The following TBC1D14 variants were observed in gnomAD, a reference collection of about 807,000 sequenced individuals.
TBC1D14 encodes the protein TBC1 domain family member 14.
In TBC1D14, 26 loss-of-function variants were observed where a neutral mutation model predicts 79.0. That is an observed-to-expected ratio of 0.33 (90% CI 0.24 to 0.46). The LOEUF (loss-of-function observed/expected upper bound fraction) is 0.46, where lower values mean the gene tolerates loss of function less well. TBC1D14 is among the 20% of genes least tolerant of loss of function. The probability of loss-of-function intolerance (pLI) is 1.00; values close to 1 mark genes in which losing one functional copy is unlikely to be tolerated. For synonymous variants in TBC1D14, 394 were observed against 349.9 expected, an observed-to-expected ratio of 1.13 and a Z score of -1.40; for missense variants, 769 against 887.6, an observed-to-expected ratio of 0.87 and a Z score of 1.70.
intron 12 of TBC1D14, among the ~76,000 whole-genome samples, chr4:7,019,475 A>T (rs570672197): frequency 2.9e-4 from 44 of 152,226 alleles, no homozygotes; most frequent in African/African-American, 8.9e-4. Flanking sequence ...CTTGCTGAGC[A>T]CGTCTGGCTT....
intron 5 of TBC1D14, chr4:6,997,260 A>C (rs1276906536): frequency 6.6e-6 from 1 of 152,276 alleles, no homozygotes; most frequent in Non-Finnish European, 1.5e-5. Flanking sequence ...GAGAATGTAG[A>C]GTCGTCAACC....
At chr4:6,955,189 A>G (rs367828495) in intron 2 of TBC1D14, among the ~76,000 whole-genome samples, 2 of 152,202 alleles carry the variant, frequency 1.3e-5, no homozygotes, top group South Asian at 4.1e-4. Flanking sequence ...TTTTCAAAGG[A>G]GAGTCAGAGG....
At chr4:7,021,997 T>C (rs747494286) in intron 12 of TBC1D14, among the ~76,000 whole-genome samples, 12 of 152,204 alleles carry the variant, frequency 7.9e-5, no homozygotes, top group Admixed American at 1.3e-4. Context: ...GAGCCTGGTG[T>C]CCCCCTTCAG....
chr4:7,004,833 T>C lies in TBC1D14; in HGVS notation c.1271-11T>C, dbSNP rs1384468916. On this transcript the variant is annotated splice_polypyrimidine_tract_variant and intron_variant, in intron 7 of 13. Transcript: ENST00000409757. The stretch of plus-strand genomic sequence containing the variant: ...GTGCACGTAATACTTACCCAGAGGC[T>C]TTTCTTCCAGAGCTCTTTGACATCT... 1 of 1,614,024 alleles carries C rather than the reference T, an allele frequency of 6.2e-7. No individual in the cohort carries two copies. The highest frequency in any genetic ancestry group is 1.7e-5 in the Admixed American group (1 of 60,006).
chr4:7,007,606 A>G (rs1720333722), intron 9 of TBC1D14: 4 of 1,289,314 alleles, frequency 3.1e-6, no homozygotes, highest in Non-Finnish European at 4.0e-6. Flanking sequence ...AAGCTCCAGC[A>G]GCTTTGGTCC....
intron 9 of TBC1D14, among the ~76,000 whole-genome samples, chr4:7,009,459 G>A (rs6446559): frequency 0.87 from 133,211 of 152,258 alleles, 58,614 homozygotes; most frequent in East Asian, 0.97. Flanking sequence ...AAGCCTGGGA[G>A]GAGAGGCAGA....
Position 6,929,259 on chromosome 4 carries a change from C to G in TBC1D14, c.722+5148C>G, listed in dbSNP as rs761011713. The stretch of plus-strand genomic sequence containing the variant: ...TGCAGAATGAGCTGAGGGGTACGTA[C>G]TTTACATTAGAGTTGCGGCGATGAA... On this transcript the variant is annotated intron_variant, in intron 2 of 13. Coordinates refer to ENST00000409757, the MANE Select transcript of TBC1D14 (RefSeq NM_020773.3). 2.6e-5 allele frequency among the ~76,000 whole-genome samples: 4 copies of G among 152,076 alleles called. 1 individual carries two copies. The highest frequency in any genetic ancestry group is 5.9e-5 in the Non-Finnish European group (4 of 68,022).
chr4:6,966,753 A>T (rs972539639), intron 2 of TBC1D14, among the ~76,000 whole-genome samples: 1 of 152,270 alleles, frequency 6.6e-6, no homozygotes, highest in African/African-American at 2.4e-5. Context: ...TTGTTATGAC[A>T]TAACACATTT....
intron 3 of TBC1D14, among the ~76,000 whole-genome samples, chr4:6,989,165 C>G (rs1424599587): frequency 6.6e-6 from 1 of 152,124 alleles, no homozygotes; most frequent in East Asian, 1.9e-4. Context: ...ATTCAGGAGC[C>G]TCGTGCCCTT....
intron 3 of TBC1D14, 140 bp downstream of exon 3, chr4:6,967,564 G>C: frequency 8.8e-7 from 1 of 1,132,378 alleles, no homozygotes; most frequent in Non-Finnish European, 1.2e-6. Context: ...TCAGATTTAA[G>C]TCTGTATTCA....
intron 12 of TBC1D14, 22 bp downstream of exon 12, chr4:7,014,579 G>C: frequency 1.3e-6 from 2 of 1,509,736 alleles, no homozygotes; most frequent in Non-Finnish European, 1.8e-6. Context: ...TTTTCCCTGT[G>C]TTTTCAGAGC....
chr4:7,010,887 T>C, intron 11 of TBC1D14, 106 bp downstream of exon 11: 1 of 1,355,166 alleles, frequency 7.4e-7, no homozygotes, highest in Non-Finnish European at 1.0e-6. Context: ...TTTCTCTCTG[T>C]GAAGAGATGT....
chr4:7,016,564 A>G (rs761600334), intron 12 of TBC1D14, among the ~76,000 whole-genome samples: 13 of 152,206 alleles, frequency 8.5e-5, no homozygotes, highest in Non-Finnish European at 1.6e-4. Flanking sequence ...AAAAGTCAAT[A>G]GTGTCTTTCA....
Position 7,025,127 on chromosome 4 carries a change from G to T in TBC1D14, c.1881G>T (p.Glu627Asp). The T allele has an allele frequency of 6.2e-7, 1 of 1,614,214 alleles. No homozygotes were observed. Among genetic ancestry groups the T allele is most frequent in the Non-Finnish European group, 8.5e-7 (1 of 1,180,032 alleles). Residue 627 changes from glutamate to aspartate, a missense_variant, in exon 13 of 14, where the codon GAG becomes GAT. Glu to Asp is a conservative substitution (Grantham distance 45). This residue lies in a region of TBC1D14 where 367 missense variants were observed against 494.4 expected (regional missense o/e 0.74). Coordinates refer to ENST00000409757, the MANE Select transcript of TBC1D14 (RefSeq NM_020773.3). ...CCCTGGGCATCCTGAAGCTGTTCGA[G>T]GACATCCTGACCAAGATGGACTTCA... The part of the protein sequence containing the change: ...RTALGILKLF[E>D]DILTKMDFIH...
chr4:7,024,915 T>G (rs1577192492), intron 12 of TBC1D14, 89 bp from the exon 13 acceptor site: 13 of 1,547,050 alleles, frequency 8.4e-6, no homozygotes, highest in Non-Finnish European at 7.0e-6. Flanking sequence ...ACTAGGGGAG[T>G]GTTTTTCATG....
intron 2 of TBC1D14, among the ~76,000 whole-genome samples, chr4:6,943,057 T>A (rs1395535133): frequency 6.6e-6 from 1 of 152,128 alleles, no homozygotes; most frequent in Non-Finnish European, 1.5e-5. Context: ...CTCCCCTAGG[T>A]TCCTTCCGTC....
At chr4:6,986,130 T>TA (rs1717797541) in intron 3 of TBC1D14, among the ~76,000 whole-genome samples, 1 of 152,232 alleles carries the variant, frequency 6.6e-6, no homozygotes, top group Admixed American at 6.5e-5. Flanking sequence ...AAGTGTCACA[T>TA]AAATGGAATA....
intron 3 of TBC1D14, among the ~76,000 whole-genome samples, chr4:6,970,581 G>C (rs1716131749): frequency 6.6e-6 from 1 of 152,284 alleles, no homozygotes; most frequent in Non-Finnish European, 1.5e-5. Context: ...ACTGAGCCAT[G>C]TTGAGGCCAG....
chr4:6,943,481 C>G (rs1312028715), intron 2 of TBC1D14, among the ~76,000 whole-genome samples: 1 of 152,230 alleles, frequency 6.6e-6, no homozygotes, highest in East Asian at 1.9e-4. Context: ...CGTGCAGGAT[C>G]TGGCTGCTGC....
Sources: allele counts gnomAD v4.1 joint callset (sites outside exome capture counted in the v4.1 genomes callset), GRCh38; gene constraint gnomAD v4.1.1; regional missense constraint gnomAD v4.1.1; transcripts MANE v1.5; gene names NCBI Gene and HGNC (gene_info 2026-07-23, HGNC 2026-07-21).